MYO16: variants seen among roughly 807,000 people sequenced by gnomAD.
The protein encoded by MYO16 is unconventional myosin-XVI.
MYO16 carries 94 observed loss-of-function variants against 205.3 expected under a neutral mutation model. The observed-to-expected ratio is 0.46, with a 90% CI of 0.39 to 0.54. The LOEUF (loss-of-function observed/expected upper bound fraction) is 0.54. Ranked by LOEUF, MYO16 falls within the 20% of genes least tolerant of loss-of-function variation. MYO16 has a pLI of 0.00. For synonymous variants in MYO16, 988 were observed against 954.0 expected (o/e 1.04, Z -0.66); for missense variants, 2,315 against 2,387.5 (o/e 0.97, Z 0.63).
At chr13:109,058,060 C>A (rs1309347534) in intron 27 of MYO16, among the ~76,000 whole-genome samples, 1 of 152,110 alleles carries the variant, frequency 6.6e-6, no homozygotes, top group Non-Finnish European at 1.5e-5. Flanking sequence ...CTGGGCTCCC[C>A]ACCCCAAGTT....
intron 9 of MYO16, among the ~76,000 whole-genome samples, chr13:108,826,676 T>C (rs534239363): frequency 6.6e-6 from 1 of 152,146 alleles, no homozygotes; most frequent in South Asian, 2.1e-4. Context: ...TGCTTACAAC[T>C]GAACAATAAA....
chr13:109,142,888 C>T (rs1183973121), intron 32 of MYO16, among the ~76,000 whole-genome samples: 1 of 152,198 alleles, frequency 6.6e-6, no homozygotes, highest in East Asian at 1.9e-4. Context: ...GTCGTTAAAT[C>T]CCTGCTTTCA....
At chr13:108,674,448 C>A (rs1882117417) in intron 2 of MYO16, among the ~76,000 whole-genome samples, 1 of 152,140 alleles carries the variant, frequency 6.6e-6, no homozygotes, top group South Asian at 2.1e-4. Context: ...ATGAGTGTGA[C>A]CCATCTGGGC....
At position 109,052,315 on chromosome 13, in the gene MYO16, T is replaced by C; in HGVS notation, c.2888T>C (p.Val963Ala). The C allele has an allele frequency of 6.2e-7, 1 of 1,612,720 alleles. No homozygotes were observed. Among genetic ancestry groups the C allele is most frequent in the Non-Finnish European group, 8.5e-7 (1 of 1,179,142 alleles). ...TATTTCCTAGCTAGTGAAAATGTCG[T>C]GATCAATCATTTGTTCCAGTCGAAA... Reference protein sequence around the residue: ...LFVMKTSENVVINHLFQSKLS... With the variant: ...LFVMKTSENVAINHLFQSKLS... The change falls in exon 25 of 35, where the codon GTG (valine) becomes GCG (alanine). Residue 963 changes from valine to alanine, a missense_variant. Physicochemically the swap from Val to Ala is moderately conservative, Grantham distance 64. Around this residue, in one of 3 missense-constraint regions of MYO16, gnomAD observed 1,213 missense variants for 1,274.4 expected, o/e 0.95. Transcript: ENST00000457511.
rs558008699 is a variant in MYO16 at position 108,981,811 on chromosome 13, A to G, written c.2370-10565A>G. On this transcript the variant is annotated intron_variant, in intron 20 of 34. Transcript: ENST00000457511. ...TGACTTGCTACAAGTCTCTAATTCA[A>G]TGTTCATAGCTGTTACTTGGAACCA... Among the ~76,000 whole-genome samples the G allele has an allele frequency of 3.4e-4, 51 of 152,234 alleles. 1 individual carries two copies. The highest frequency in any genetic ancestry group is 1.1e-3 in the Admixed American group (17 of 15,284).
intron 9 of MYO16, among the ~76,000 whole-genome samples, chr13:108,841,972 G>GA (rs1156230398): frequency 1.3e-5 from 2 of 152,046 alleles, no homozygotes. Context: ...ACCCAATAGG[G>GA]AAAAGAAAGT....
chr13:108,606,716 G>A (rs12429093), intron 1 of MYO16, among the ~76,000 whole-genome samples: 8,661 of 152,266 alleles, frequency 0.057, 329 homozygotes, highest in Admixed American at 0.11. Context: ...TTGGGGCACT[G>A]TCTAGTGGAG....
At chr13:108,560,503 A>T in the MYO16 span, among the ~76,000 whole-genome samples, 1 of 152,206 alleles carries the variant, frequency 6.6e-6, no homozygotes, top group East Asian at 1.9e-4. Context: ...GGTACTTGAA[A>T]ATTAAGTGTA....
the MYO16 span, among the ~76,000 whole-genome samples, chr13:108,562,891 T>C: frequency 6.6e-6 from 1 of 152,154 alleles, no homozygotes; most frequent in Non-Finnish European, 1.5e-5. Context: ...TGTATCCTCA[T>C]TGTTAACGGA....
At chr13:108,888,559 A>G in intron 14 of MYO16, 82 bp downstream of exon 14, 3 of 925,324 alleles carry the variant, frequency 3.2e-6, no homozygotes, top group Admixed American at 2.7e-5. Flanking sequence ...AGGGGACATC[A>G]TAATAGATAC....
chr13:108,825,393 A>G (rs1262986187), intron 9 of MYO16, among the ~76,000 whole-genome samples: 1 of 151,992 alleles, frequency 6.6e-6, no homozygotes, highest in Non-Finnish European at 1.5e-5. Flanking sequence ...AATTTTCTCA[A>G]CCTGATAAGG....
At chr13:108,727,162 A>G (rs1167060447) in intron 3 of MYO16, among the ~76,000 whole-genome samples, 1 of 152,034 alleles carries the variant, frequency 6.6e-6, no homozygotes, top group African/African-American at 2.4e-5. Context: ...TCTACAAATG[A>G]AATAAAAACC....
chr13:108,848,897 G>A (rs1176968933), intron 10 of MYO16, among the ~76,000 whole-genome samples: 3 of 152,206 alleles, frequency 2.0e-5, no homozygotes, highest in Non-Finnish European at 4.4e-5. Context: ...GGGCACCACA[G>A]CAGGTTTCTA....
chr13:108,507,887 A>G, the MYO16 span, among the ~76,000 whole-genome samples: 1 of 151,978 alleles, frequency 6.6e-6, no homozygotes, highest in African/African-American at 2.4e-5. Context: ...CTTATCCTCA[A>G]ATTCAGCATT....
chr13:108,980,377 CT>C (rs1884412178), intron 20 of MYO16, among the ~76,000 whole-genome samples: 1 of 152,108 alleles, frequency 6.6e-6, no homozygotes, highest in Non-Finnish European at 1.5e-5. Context: ...TGCATTTGGC[CT>C]CTTTTCAACC....
At chr13:108,868,073 G>A (rs1016522322) in intron 12 of MYO16, among the ~76,000 whole-genome samples, 5 of 152,030 alleles carry the variant, frequency 3.3e-5, no homozygotes, top group African/African-American at 1.2e-4. Context: ...ATTAACTATT[G>A]ACAGAGATTT....
Position 109,154,911 on chromosome 13 carries a change from G to GAAA in MYO16, c.5165-9966_5165-9964dup, listed in dbSNP as rs59465499. ...AGGTATTGCATACTCGGCTAATTAT[G>GAAA]AAAAAAAAAAAAAAAAAAAAAAAAA... On this transcript the variant is annotated intron_variant, in intron 32 of 34. Transcript: ENST00000457511. Among the ~76,000 whole-genome samples the GAAA allele has an allele frequency of 1.8e-3, 112 of 62,684 alleles. 12 individuals are homozygous for GAAA. Among genetic ancestry groups the GAAA allele is most frequent in the Admixed American group, 5.8e-3 (29 of 5,022 alleles). The allele number at this position is 62,684 out of a possible 152,430, so 41.1% of individuals were successfully genotyped here.
intron 22 of MYO16, among the ~76,000 whole-genome samples, chr13:109,018,992 C>T (rs1885930106): frequency 6.9e-6 from 1 of 144,554 alleles, no homozygotes; most frequent in Admixed American, 6.9e-5. Context: ...TTTTTTGAGG[C>T]AGGGTTGCGT....
At chr13:108,822,329 G>A (rs1031903287) in intron 8 of MYO16, among the ~76,000 whole-genome samples, 6 of 152,032 alleles carry the variant, frequency 3.9e-5, no homozygotes, top group Admixed American at 3.9e-4. Context: ...TCTTCTTGTG[G>A]CAGCTACATT....
Sources: allele counts gnomAD v4.1 joint callset (sites outside exome capture counted in the v4.1 genomes callset), GRCh38; gene constraint gnomAD v4.1.1; regional missense constraint gnomAD v4.1.1; transcripts MANE v1.5; gene names NCBI Gene and HGNC (gene_info 2026-07-23, HGNC 2026-07-21).